Variants in STRN observed in about 807,000 individuals in gnomAD.
The protein encoded by STRN is protein phosphatase 2 regulatory subunit B'''alpha.
In STRN, 53 loss-of-function variants were observed where a neutral mutation model predicts 96.3. The ratio of observed to expected loss-of-function variants is 0.55; its 90% CI spans 0.44 to 0.69. The LOEUF is 0.69. STRN is among the 30% of genes least tolerant of loss of function. The pLI is 0.00. For synonymous variants in STRN, 428 were observed against 355.9 expected, an observed-to-expected ratio of 1.20 and a Z score of -2.28; for missense variants, 987 against 963.9, an observed-to-expected ratio of 1.02 and a Z score of -0.32.
intron 13 of STRN, among the ~76,000 whole-genome samples, chr2:36,859,413 A>T (rs1219465337): frequency 6.6e-6 from 1 of 152,232 alleles, no homozygotes; most frequent in African/African-American, 2.4e-5. Flanking sequence ...GTAAGTGGGG[A>T]CAGTGTGACA....
intron 2 of STRN, among the ~76,000 whole-genome samples, chr2:36,917,236 T>C (rs527370392): frequency 5.3e-5 from 8 of 151,608 alleles, no homozygotes; most frequent in Non-Finnish European, 1.2e-4. Flanking sequence ...TTAAGAAAAG[T>C]AGTGGCTGGG....
Position 36,852,963 on chromosome 2 carries a change from C to A in STRN, c.1979-1856G>T, listed in dbSNP as rs146102432. 6.3e-3 allele frequency among the ~76,000 whole-genome samples: 956 copies of A among 152,260 alleles called. 17 individuals carry two copies. The highest frequency in any genetic ancestry group is 0.022 in the African/African-American group (911 of 41,544). ...CTTGAGGTCAGGAGTTCGAGACCAG[C>A]CTGGCCAACATGGTGAAACTCTGTC... On this transcript the variant is annotated intron_variant, in intron 15 of 17. Transcript: ENST00000263918.
At chr2:36,893,235 C>A (rs1669447236) in intron 7 of STRN, among the ~76,000 whole-genome samples, 1 of 151,948 alleles carries the variant, frequency 6.6e-6, no homozygotes, top group South Asian at 2.1e-4. Flanking sequence ...AGTAAGATTT[C>A]TTTATATATG....
rs1664756710 is a variant in STRN at position 36,951,744 on chromosome 2, A to C, written c.234+14486T>G. On this transcript the variant is annotated intron_variant, in intron 1 of 17. Transcript: ENST00000263918. The stretch of plus-strand genomic sequence containing the variant: ...AAATAAAAATGCCCTTAGGTGACTC[A>C]GAGTCTACTGAGGAAACAAATATAT... Among the ~76,000 whole-genome samples, 4 of 152,354 alleles carry C rather than the reference A, an allele frequency of 2.6e-5. No individual in the cohort carries two copies. The South Asian group carries it at 8.3e-4, about 32-fold the overall frequency.
intron 1 of STRN, among the ~76,000 whole-genome samples, chr2:36,960,301 C>T (rs1218784151): frequency 6.6e-6 from 1 of 152,190 alleles, no homozygotes; most frequent in Non-Finnish European, 1.5e-5. Context: ...AGCAAATACA[C>T]TTGAAGTATA....
At chr2:36,923,322 G>A (rs1670311478) in intron 2 of STRN, among the ~76,000 whole-genome samples, 1 of 151,330 alleles carries the variant, frequency 6.6e-6, no homozygotes, top group Non-Finnish European at 1.5e-5. Context: ...ATGGTGGCAT[G>A]CGCCTGTAGT....
At chr2:36,886,674 A>T in intron 8 of STRN, 42 bp downstream of exon 8, 2 of 1,476,630 alleles carry the variant, frequency 1.4e-6, no homozygotes, top group Non-Finnish European at 1.8e-6. Flanking sequence ...GGATGTAAAG[A>T]GGCAAGATTT....
At chr2:36,922,260 T>C (rs1670279569) in intron 2 of STRN, among the ~76,000 whole-genome samples, 1 of 152,158 alleles carries the variant, frequency 6.6e-6, no homozygotes, top group Non-Finnish European at 1.5e-5. Context: ...GACTCACGCC[T>C]ATAATCACGG....
intron 12 of STRN, chr2:36,867,324 C>T (rs946907650): frequency 3.3e-5 from 5 of 152,132 alleles, no homozygotes; most frequent in African/African-American, 1.2e-4. Context: ...CTTGTCTCCA[C>T]TGGATCATGC....
intron 3 of STRN, among the ~76,000 whole-genome samples, chr2:36,910,636 A>T (rs1669941500): frequency 6.6e-6 from 1 of 152,236 alleles, no homozygotes; most frequent in African/African-American, 2.4e-5. Context: ...ATCCTAAAAA[A>T]TATTTGATAA....
chr2:36,925,044 G>A (rs908635574), intron 2 of STRN, 61 bp downstream of exon 2: 33 of 1,507,112 alleles, frequency 2.2e-5, no homozygotes, highest in Admixed American at 6.8e-5. Flanking sequence ...CAACAAGAAC[G>A]AAACTCCGTC....
At chr2:36,917,331 G>T (rs1670130793) in intron 2 of STRN, among the ~76,000 whole-genome samples, 1 of 151,504 alleles carries the variant, frequency 6.6e-6, no homozygotes, top group Non-Finnish European at 1.5e-5. Context: ...AGATCAGCCT[G>T]GCTAACATGG....
chr2:36,850,908 C>T (rs1228367907), intron 16 of STRN, 92 bp downstream of exon 16: 4 of 968,774 alleles, frequency 4.1e-6, no homozygotes, highest in East Asian at 2.7e-5. Context: ...TCCCTGACTA[C>T]GAAACCACCA....
intron 1 of STRN, among the ~76,000 whole-genome samples, chr2:36,929,916 T>C (rs80333993): frequency 4.7e-4 from 72 of 152,340 alleles, no homozygotes; most frequent in Middle Eastern, 6.8e-3. Flanking sequence ...ATCTTTTGAT[T>C]TGAACACAAA....
In STRN at chr2:36,841,576, T is replaced by C. The variant is rs766166099; in HGVS notation, c.*7880A>G. 2 of 152,216 alleles carry C rather than the reference T, an allele frequency of 1.3e-5. No homozygotes were observed. Among genetic ancestry groups the C allele is most frequent in the South Asian group, 2.1e-4 (1 of 4,836 alleles). 9.4% of individuals were successfully genotyped at this position (152,216 alleles called of 1,614,324 possible). ...GTTTTTAAAAGCATAGTCAAAACCA[T>C]TCAAAAGAGAACTCACTCTGTAAAA... On this transcript the variant is annotated 3_prime_UTR_variant, in exon 18 of 18. Coordinates refer to ENST00000263918, the MANE Select transcript of STRN (RefSeq NM_003162.4).
At chr2:36,890,009 T>C (rs1669345815) in intron 7 of STRN, among the ~76,000 whole-genome samples, 1 of 152,222 alleles carries the variant, frequency 6.6e-6, no homozygotes, top group Admixed American at 6.5e-5. Context: ...AGTGCAGCTG[T>C]CCTCGGAGAA....
At chr2:36,948,541 C>T (rs1438157556) in intron 1 of STRN, among the ~76,000 whole-genome samples, 6 of 152,028 alleles carry the variant, frequency 3.9e-5, no homozygotes, top group Non-Finnish European at 7.4e-5. Flanking sequence ...CAACATATAC[C>T]GTGATAGGTG....
At position 36,849,455 on chromosome 2, in the gene STRN, G is replaced by A. The variant is rs761581256; in HGVS notation, c.*1C>T. The A allele has an allele frequency of 3.8e-5, 62 of 1,613,704 alleles. No individual in the cohort carries two copies. The Middle Eastern group carries it at 4.9e-4, about 13-fold the overall frequency. On this transcript the variant is annotated 3_prime_UTR_variant, in exon 18 of 18. Coordinates refer to ENST00000263918, the MANE Select transcript of STRN (RefSeq NM_003162.4). ...CTAGAAGGTGAAGATGATGCATTGC[G>A]TCATACAAAGACTTTAGCCAGTGCG...
intron 1 of STRN, among the ~76,000 whole-genome samples, chr2:36,963,489 G>A (rs1665078436): frequency 6.6e-6 from 1 of 152,130 alleles, no homozygotes; most frequent in East Asian, 1.9e-4. Context: ...CAAATGTAAC[G>A]ATGGTAATAA....
Sources: allele counts gnomAD v4.1 joint callset (sites outside exome capture counted in the v4.1 genomes callset), GRCh38; gene constraint gnomAD v4.1.1; transcripts MANE v1.5; gene names NCBI Gene and HGNC (gene_info 2026-07-23, HGNC 2026-07-21).